Variants in IHH observed in about 807,000 individuals in gnomAD.
IHH encodes indian hedgehog protein.
IHH carries 9 observed loss-of-function variants against 29.4 expected under a neutral mutation model. That is an observed-to-expected ratio of 0.31 (90% CI 0.18 to 0.53). The LOEUF is 0.53. Ranked by LOEUF, IHH falls within the 20% of genes least tolerant of loss-of-function variation. IHH has a pLI of 0.95. For synonymous variants in IHH, 254 were observed against 252.7 expected, an observed-to-expected ratio of 1.01 and a Z score of -0.05; for missense variants, 454 against 578.1, an observed-to-expected ratio of 0.79 and a Z score of 2.20.
intron 2 of IHH, 27 bp downstream of exon 2, chr2:219,057,406 G>A (rs1294098319): frequency 1.2e-5 from 19 of 1,553,214 alleles, no homozygotes; most frequent in Admixed American, 7.8e-5. Flanking sequence ...CCCCGGCCCC[G>A]GGCCCAGCCC....
In IHH at chr2:219,057,416, C is replaced by G; in HGVS notation, c.577+17G>C. ...TGCGGCCCCGGCCCCGGGCCCAGCC[C>G]CCCGGCGGCGGCTCACCGGACTTGA... On this transcript the variant is annotated intron_variant, in intron 2 of 2. Transcript: ENST00000295731. The G allele has an allele frequency of 6.4e-7, 1 of 1,555,598 alleles. No homozygotes were observed. Among genetic ancestry groups the G allele is most frequent in the Non-Finnish European group, 8.7e-7 (1 of 1,149,868 alleles).
At position 219,060,529 on chromosome 2, in the gene IHH, C is replaced by A; in HGVS notation, c.-62G>T. 1 of 1,225,572 alleles carries A rather than the reference C, an allele frequency of 8.2e-7. No individual in the cohort carries two copies. Among genetic ancestry groups the A allele is most frequent in the South Asian group, 2.2e-5 (1 of 46,166 alleles). 75.9% of individuals were successfully genotyped at this position (1,225,572 alleles called of 1,614,324 possible). A position where few individuals can be genotyped will look rare whatever the true frequency, so the allele number is the denominator to read the frequency against. On this transcript the variant is annotated 5_prime_UTR_variant, in exon 1 of 3. Transcript: ENST00000295731. The surrounding 1 kb of genome is among the most constrained non-coding windows in gnomAD (Gnocchi z 8.8). ...CTGGTGGGCTGATGGGCAGGCGCGT[C>A]GACGGGAGCGCTGCGGGGGCTCAGG...
In IHH at chr2:219,059,850, C is replaced by T. The variant is rs1218417211; in HGVS notation, c.315+303G>A. 1.3e-5 allele frequency among the ~76,000 whole-genome samples: 2 copies of T among 152,196 alleles called. No homozygotes were observed. The highest frequency in any genetic ancestry group is 2.9e-5 in the Non-Finnish European group (2 of 68,028). On this transcript the variant is annotated intron_variant, in intron 1 of 2. Coordinates refer to ENST00000295731, the MANE Select transcript of IHH (RefSeq NM_002181.4). The surrounding 1 kb of genome is among the most constrained non-coding windows in gnomAD (Gnocchi z 4.7). The stretch of plus-strand genomic sequence containing the variant: ...AGGAGGCAGCCGGGTAGAGGTACCT[C>T]CGGGTGCAGCGTCTGGCTGAGCTGC...
At chr2:219,058,716 C>T (rs949894537) in intron 1 of IHH, 4 of 154,902 alleles carry the variant, frequency 2.6e-5, no homozygotes, top group Admixed American at 2.0e-4. Context: ...GGGCCTTGGT[C>T]TGAGGGGAAA....
In IHH at chr2:219,060,110, C is replaced by T. The variant is rs756012205; in HGVS notation, c.315+43G>A. ...GGGTGGGTAGGGCCGGGCAGGTGGCCGTGCTTCGGTGGCGGCGCGCTGGTA... is the reference window on the plus strand; with the variant it reads ...GGGTGGGTAGGGCCGGGCAGGTGGCTGTGCTTCGGTGGCGGCGCGCTGGTA... On this transcript the variant is annotated intron_variant, in intron 1 of 2. Transcript: ENST00000295731. This position sits in a 1 kb window ranked among gnomAD's most constrained non-coding sequence, Gnocchi z 8.8. 6 of 1,558,194 alleles carry T rather than the reference C, an allele frequency of 3.9e-6. No individual in the cohort carries two copies. The highest frequency in any genetic ancestry group is 2.3e-5 in the South Asian group (2 of 87,770).
Position 219,055,634 on chromosome 2 carries a change from G to T in IHH, c.809C>A (p.Ala270Glu). The change falls in exon 3 of 3, where the codon GCA becomes GAA. Residue 270 changes from alanine to glutamate, a missense_variant. Physicochemically the swap from Ala to Glu is moderately radical, Grantham distance 107. Coordinates refer to ENST00000295731, the MANE Select transcript of IHH (RefSeq NM_002181.4). ...AAAGAGCAGGTGAGCGGGTGTGAGT[G>T]CCAGGCGGCGTGGGGGGTCCTGAGT... Reference protein sequence around the residue: ...IETQDPPRRLALTPAHLLFTA... With the variant: ...IETQDPPRRLELTPAHLLFTA... 2 of 1,614,064 alleles carry T rather than the reference G, an allele frequency of 1.2e-6. No individual in the cohort carries two copies. The highest frequency in any genetic ancestry group is 4.5e-5 in the East Asian group (2 of 44,882).
At position 219,055,640 on chromosome 2, in the gene IHH, C is replaced by T. The variant is rs371913717; in HGVS notation, c.803G>A (p.Arg268His). 6 of 1,613,998 alleles carry T rather than the reference C, an allele frequency of 3.7e-6. No homozygotes were observed. The highest frequency in any genetic ancestry group is 3.3e-5 in the Admixed American group (2 of 60,034). Residue 268 changes from arginine to histidine, a missense_variant, in exon 3 of 3, where the codon CGC (arginine) becomes CAC (histidine). Around this residue, in one of 3 missense-constraint regions of IHH, gnomAD observed 271 missense variants for 315.9 expected, o/e 0.86. Transcript: ENST00000295731. ...QVIETQDPPRRLALTPAHLLF... is the reference protein window; with the variant it reads ...QVIETQDPPRHLALTPAHLLF... ...CAGGTGAGCGGGTGTGAGTGCCAGG[C>T]GGCGTGGGGGGTCCTGAGTCTCGAT... is the stretch of plus-strand genomic sequence containing the variant.
At position 219,060,103 on chromosome 2, in the gene IHH, A is replaced by AGCCC; in HGVS notation, c.315+49_315+50insGGGC. 6.6e-7 allele frequency: 1 copy of AGCCC among 1,509,800 alleles called. No homozygotes were observed. The highest frequency in any genetic ancestry group is 9.1e-7 in the Non-Finnish European group (1 of 1,098,954). The allele number at this position is 1,509,800 out of a possible 1,614,324, so 93.5% of individuals were successfully genotyped here. A position where few individuals can be genotyped will look rare whatever the true frequency, so the allele number is the denominator to read the frequency against. On this transcript the variant is annotated intron_variant, in intron 1 of 2. Coordinates refer to ENST00000295731, the MANE Select transcript of IHH (RefSeq NM_002181.4). This position sits in a 1 kb window ranked among gnomAD's most constrained non-coding sequence, Gnocchi z 8.8. ...TGCCAGGGGGTGGGTAGGGCCGGGC[A>AGCCC]GGTGGCCGTGCTTCGGTGGCGGCGC...
Position 219,055,150 on chromosome 2 carries a change from G to C in IHH, c.*57C>G. ...CCCTTCCAGGGCCAGCTCCCTCCTG[G>C]CTGAGAGGCTTCTGGACCCAGTACA... On this transcript the variant is annotated 3_prime_UTR_variant, in exon 3 of 3. Coordinates refer to ENST00000295731, the MANE Select transcript of IHH (RefSeq NM_002181.4). The C allele has an allele frequency of 6.5e-7, 1 of 1,537,680 alleles. No individual in the cohort carries two copies. The highest frequency in any genetic ancestry group is 1.4e-5 in the African/African-American group (1 of 72,914).
Position 219,055,783 on chromosome 2 carries a change from C to T in IHH, c.660G>A (p.Leu220=). Reference sequence around the variant, plus strand: ...CACGGTCTCCCGGCCTCACGGCTGACAAGGCCACACGCGCCCCACTCTCCA... The same window carrying T: ...CACGGTCTCCCGGCCTCACGGCTGATAAGGCCACACGCGCCCCACTCTCCA... ...VRLESGARVA[L]SAVRPGDRVL... Residue 220 remains leucine (L), a synonymous_variant, in exon 3 of 3, where the codon TTG becomes TTA. Coordinates refer to ENST00000295731, the MANE Select transcript of IHH (RefSeq NM_002181.4). The T allele has an allele frequency of 6.2e-7, 1 of 1,613,382 alleles. No individual in the cohort carries two copies. Among genetic ancestry groups the T allele is most frequent in the Non-Finnish European group, 8.5e-7 (1 of 1,179,988 alleles).
At chr2:219,058,387 C>G (rs375902139) in intron 1 of IHH, among the ~76,000 whole-genome samples, 1 of 152,220 alleles carries the variant, frequency 6.6e-6, no homozygotes, top group Non-Finnish European at 1.5e-5. Flanking sequence ...AACCAGAAAC[C>G]GGCGGATTAG....
rs1948867199 is a variant in IHH at position 219,060,098 on chromosome 2, C to T, written c.315+55G>A. ...AAATGTGCCAGGGGGTGGGTAGGGC[C>T]GGGCAGGTGGCCGTGCTTCGGTGGC... On this transcript the variant is annotated intron_variant, in intron 1 of 2. Coordinates refer to ENST00000295731, the MANE Select transcript of IHH (RefSeq NM_002181.4). The surrounding 1 kb of genome is among the most constrained non-coding windows in gnomAD (Gnocchi z 8.8). The T allele has an allele frequency of 6.8e-7, 1 of 1,479,112 alleles. No homozygotes were observed. Among genetic ancestry groups the T allele is most frequent in the African/African-American group, 1.4e-5 (1 of 72,070 alleles). The allele number at this position is 1,479,112 out of a possible 1,614,324, so 91.6% of individuals were successfully genotyped here. A position where few individuals can be genotyped will look rare whatever the true frequency, so the allele number is the denominator to read the frequency against.
Position 219,055,379 on chromosome 2 carries a change from T to C in IHH, c.1064A>G (p.His355Arg). The change falls in exon 3 of 3, where the codon CAC becomes CGC. Residue 355 changes from histidine to arginine, a missense_variant. By Grantham distance (29) the His-to-Arg change is conservative. This residue lies in a region of IHH where 271 missense variants were observed against 315.9 expected (regional missense o/e 0.86). Transcript: ENST00000295731. Reference sequence around the variant, plus strand: ...GGGCCAGAAGGCCAACTGAGCCAGGTGGTGGTCAGCCACGGCCGCGAAGCA... The same window carrying C: ...GGGCCAGAAGGCCAACTGAGCCAGGCGGTGGTCAGCCACGGCCGCGAAGCA... ...ASCFAAVADH[H>R]LAQLAFWPLR... 1 of 1,613,162 alleles carries C rather than the reference T, an allele frequency of 6.2e-7. No individual in the cohort carries two copies. The highest frequency in any genetic ancestry group is 8.5e-7 in the Non-Finnish European group (1 of 1,180,008).
rs1948858389 is a variant in IHH, at chr2:219,059,223, G to C, written c.315+930C>G. Among the ~76,000 whole-genome samples the C allele has an allele frequency of 6.6e-6, 1 of 152,260 alleles. No individual in the cohort carries two copies. The highest frequency in any genetic ancestry group is 6.5e-5 in the Admixed American group (1 of 15,288). The stretch of plus-strand genomic sequence containing the variant: ...CATGCTGAGGGCCCTGAGTCTAGCT[G>C]CTCTTCCCAACGGATCTAGAAAGCC... On this transcript the variant is annotated intron_variant, in intron 1 of 2. Coordinates refer to ENST00000295731, the MANE Select transcript of IHH (RefSeq NM_002181.4). This position sits in a 1 kb window ranked among gnomAD's most constrained non-coding sequence, Gnocchi z 4.7.
In IHH at chr2:219,059,239, C is replaced by G. The variant is rs1051490117; in HGVS notation, c.315+914G>C. Among the ~76,000 whole-genome samples the G allele has an allele frequency of 6.6e-6, 1 of 152,260 alleles. No individual in the cohort carries two copies. Among genetic ancestry groups the G allele is most frequent in the Non-Finnish European group, 1.5e-5 (1 of 68,050 alleles). On this transcript the variant is annotated intron_variant, in intron 1 of 2. Coordinates refer to ENST00000295731, the MANE Select transcript of IHH (RefSeq NM_002181.4). This position sits in a 1 kb window ranked among gnomAD's most constrained non-coding sequence, Gnocchi z 4.7. The stretch of plus-strand genomic sequence containing the variant: ...AGTCTAGCTGCTCTTCCCAACGGAT[C>G]TAGAAAGCCAGGGGCCTGCTTTCAG...
chr2:219,060,446 G>A lies in IHH; in HGVS notation c.22C>T (p.Pro8Ser). ...AGGACCAGGCAGAAGTGCAGTCGGG[G>A]CCGGAGCCGGGCGGGAGACATGGCC... The part of the protein sequence containing the change: MSPARLR[P>S]RLHFCLVLLL... Residue 8 changes from proline (P) to serine (S), a missense_variant, in exon 1 of 3, where the codon CCC becomes TCC. This residue lies in a region of IHH where 113 missense variants were observed against 122.1 expected (regional missense o/e 0.93). Transcript: ENST00000295731. The surrounding 1 kb of genome is among the most constrained non-coding windows in gnomAD (Gnocchi z 8.8). The A allele has an allele frequency of 6.4e-7, 1 of 1,550,456 alleles. No homozygotes were observed. Among genetic ancestry groups the A allele is most frequent in the Non-Finnish European group, 8.7e-7 (1 of 1,152,738 alleles).
intron 2 of IHH, among the ~76,000 whole-genome samples, chr2:219,056,349 C>A (rs945290362): frequency 1.3e-5 from 2 of 152,198 alleles, no homozygotes; most frequent in Non-Finnish European, 2.9e-5. Context: ...CCTGGGCAGC[C>A]TCGGAGTGAA....
At chr2:219,056,051 C>T (rs529106424) in intron 2 of IHH, among the ~76,000 whole-genome samples, 186 bp from the exon 3 acceptor site, 1 of 151,850 alleles carries the variant, frequency 6.6e-6, no homozygotes, top group East Asian at 1.9e-4. Context: ...CTGCCCCCAT[C>T]CCCTTACTCC....
rs1948864902 is a variant in IHH at position 219,059,815 on chromosome 2, C to T, written c.315+338G>A. ...TAGGCCGGGAGGGACTGCGTGGGTCCTGGAGGCGCAGGAGGCAGCCGGGTA... is the reference window on the plus strand; with the variant it reads ...TAGGCCGGGAGGGACTGCGTGGGTCTTGGAGGCGCAGGAGGCAGCCGGGTA... On this transcript the variant is annotated intron_variant, in intron 1 of 2. Transcript: ENST00000295731. The surrounding 1 kb of genome is among the most constrained non-coding windows in gnomAD (Gnocchi z 4.7). Among the ~76,000 whole-genome samples the T allele has an allele frequency of 6.6e-6, 1 of 152,200 alleles. No individual in the cohort carries two copies. Among genetic ancestry groups the T allele is most frequent in the African/African-American group, 2.4e-5 (1 of 41,440 alleles).
Sources: gnomAD v4.1 joint callset for allele counts (sites outside exome capture counted in the v4.1 genomes callset) on GRCh38, gnomAD v4.1.1 for gene constraint, gnomAD v4.1.1 regional missense constraint, Gnocchi (gnomAD v3.1) non-coding constraint, MANE v1.5 for transcripts, NCBI Gene and HGNC (gene_info 2026-07-23, HGNC 2026-07-21) for gene names.